Variants in PPFIA2 observed in about 807,000 individuals in gnomAD.
PPFIA2 encodes PPFI scaffold protein A2, also known as liprin-alpha-2.
Under a neutral mutation model 175.5 loss-of-function variants are expected in PPFIA2, and 46 were observed. The observed-to-expected ratio is 0.26, with a 90% confidence interval of 0.21 to 0.34. PPFIA2 has a LOEUF of 0.34. PPFIA2 is among the 10% of genes least tolerant of loss of function. The pLI is 1.00. For missense variants in PPFIA2, 1,179 were observed against 1,506.1 expected (o/e 0.78, Z 3.60); for synonymous variants, 568 against 511.4 (o/e 1.11, Z -1.49).
Position 81,464,823 on chromosome 12 carries a change from T to C in PPFIA2, c.304-6957A>G, listed in dbSNP as rs562207558. ...TCAGACAGACACAGAGCATTCTATTTTTATACAGGTTCATCTTTAAACTCA... is the reference window on the plus strand; with the variant it reads ...TCAGACAGACACAGAGCATTCTATTCTTATACAGGTTCATCTTTAAACTCA... On this transcript the variant is annotated intron_variant, in intron 4 of 32. Transcript: ENST00000549396. 9.9e-5 allele frequency among the ~76,000 whole-genome samples: 15 copies of C among 152,106 alleles called. No individual in the cohort carries two copies. The East Asian group carries it at 2.5e-3, about 25-fold the overall frequency.
rs188336422 is a variant in PPFIA2 at position 81,310,434 on chromosome 12, C to T, written c.2643-11052G>A. Among the ~76,000 whole-genome samples the T allele has an allele frequency of 2.6e-5, 4 of 152,070 alleles. No homozygotes were observed. In the East Asian group the frequency reaches 5.8e-4, roughly 22 times the overall value. The stretch of plus-strand genomic sequence containing the variant: ...GAGCATGTGTAAGACAATAAGAAAC[C>T]GAATTGTAGAATGAAGTCCATTATA... On this transcript the variant is annotated intron_variant, in intron 22 of 32. Transcript: ENST00000549396.
At chr12:81,606,359 T>C (rs997606330) in intron 4 of PPFIA2, among the ~76,000 whole-genome samples, 2 of 152,108 alleles carry the variant, frequency 1.3e-5, no homozygotes, top group South Asian at 2.1e-4. Flanking sequence ...CTAGGTTGAA[T>C]TGTAGCTCTG....
At chr12:81,522,156 G>A (rs2063233847) in intron 4 of PPFIA2, among the ~76,000 whole-genome samples, 3 of 152,144 alleles carry the variant, frequency 2.0e-5, no homozygotes. Context: ...CATTCATTAT[G>A]CAAGATATTT....
intron 17 of PPFIA2, among the ~76,000 whole-genome samples, chr12:81,350,256 G>A (rs1035507081): frequency 3.9e-5 from 6 of 152,180 alleles, no homozygotes; most frequent in South Asian, 2.1e-4. Flanking sequence ...CCGTTATTCC[G>A]TTAATACTTG....
At chr12:81,454,212 C>T (rs1566903197) in intron 5 of PPFIA2, among the ~76,000 whole-genome samples, 1 of 151,980 alleles carries the variant, frequency 6.6e-6, no homozygotes, top group African/African-American at 2.4e-5. Flanking sequence ...AGTGAGACCT[C>T]GTCTCAAAAG....
chr12:81,673,988 C>G (rs933790956), intron 4 of PPFIA2, among the ~76,000 whole-genome samples: 1 of 151,968 alleles, frequency 6.6e-6, no homozygotes, highest in African/African-American at 2.4e-5. Flanking sequence ...TCCTAGAGTT[C>G]TCAAATTTAT....
chr12:81,295,015 C>G lies in PPFIA2; in HGVS notation c.2745G>C (p.Ala915=). The change falls in exon 24 of 33, where the codon GCG becomes GCC. Residue 915 remains alanine (A), a synonymous_variant. Transcript: ENST00000549396. ...AWLELWLGMP[A]WYVAACRANV... is the part of the protein sequence containing the mutation. ...TGGCTCGGCAGGCTGCCACGTACCA[C>G]GCAGGCATTCCCAACCAAAGCTGTT... is the stretch of plus-strand genomic sequence containing the variant. 4 of 1,613,402 alleles carry G rather than the reference C, an allele frequency of 2.5e-6. No individual in the cohort carries two copies. The highest frequency in any genetic ancestry group is 3.4e-6 in the Non-Finnish European group (4 of 1,179,642).
chr12:81,530,713 C>G (rs1011444680), intron 4 of PPFIA2, among the ~76,000 whole-genome samples: 2 of 149,554 alleles, frequency 1.3e-5, no homozygotes, highest in Admixed American at 1.3e-4. Flanking sequence ...AATAGTAAGC[C>G]TGGATAAGCC....
intron 4 of PPFIA2, among the ~76,000 whole-genome samples, chr12:81,533,660 C>T (rs2064926853): frequency 6.6e-6 from 1 of 151,314 alleles, no homozygotes; most frequent in African/African-American, 2.4e-5. Context: ...TACCAAAACT[C>T]CTCTTTGATT....
At chr12:81,652,817 G>A (rs1377086499) in intron 4 of PPFIA2, among the ~76,000 whole-genome samples, 1 of 151,898 alleles carries the variant, frequency 6.6e-6, no homozygotes, top group Non-Finnish European at 1.5e-5. Flanking sequence ...CAATCCATAT[G>A]AAGAATTCAC....
intron 4 of PPFIA2, among the ~76,000 whole-genome samples, chr12:81,521,063 T>C (rs2063062797): frequency 6.6e-6 from 1 of 152,208 alleles, no homozygotes; most frequent in Non-Finnish European, 1.5e-5. Flanking sequence ...GGGAATCATA[T>C]AATTCCAAAA....
rs898048462 is a variant in PPFIA2 at position 81,362,729 on chromosome 12, A to G, written c.1601T>C (p.Met534Thr). Residue 534 changes from methionine (M) to threonine (T), a missense_variant, in exon 15 of 33, where the codon ATG becomes ACG. Met to Thr is a moderately conservative substitution (Grantham distance 81). Around this residue, in one of 10 missense-constraint regions of PPFIA2, gnomAD observed 186 missense variants for 163.6 expected, o/e 1.14. Transcript: ENST00000549396. Reference protein sequence around the residue: ...KLRSELDQLKMRTGSLIEPTI... With the variant: ...KLRSELDQLKTRTGSLIEPTI... ...GGGTTCAATTAAAGAGCCAGTTCTCATTTTCAATTGGTCAAGTTCAGATCT... is the reference window on the plus strand; with the variant it reads ...GGGTTCAATTAAAGAGCCAGTTCTCGTTTTCAATTGGTCAAGTTCAGATCT... 5.2e-6 allele frequency: 8 copies of G among 1,547,624 alleles called. No individual in the cohort carries two copies. The highest frequency in any genetic ancestry group is 1.2e-5 in the South Asian group (1 of 83,842).
At chr12:81,730,734 T>C (rs1327918725) in intron 3 of PPFIA2, among the ~76,000 whole-genome samples, 4 of 151,612 alleles carry the variant, frequency 2.6e-5, no homozygotes, top group Non-Finnish European at 1.5e-5. Flanking sequence ...TGCTATATGT[T>C]AGATAACAAA....
At chr12:81,440,813 GAT>G (rs142582712) in intron 6 of PPFIA2, among the ~76,000 whole-genome samples, 10,547 of 142,848 alleles carry the variant, frequency 0.074, 501 homozygotes, top group African/African-American at 0.15. Flanking sequence ...TATATGTCCT[GAT>G]ATATATATAT....
chr12:81,436,603 A>G (rs1247814171), intron 7 of PPFIA2, among the ~76,000 whole-genome samples: 1 of 152,156 alleles, frequency 6.6e-6, no homozygotes, highest in African/African-American at 2.4e-5. Flanking sequence ...TCAATACATG[A>G]TGCTTTACTT....
At chr12:81,461,090 C>G (rs1212031984) in intron 4 of PPFIA2, among the ~76,000 whole-genome samples, 1 of 152,052 alleles carries the variant, frequency 6.6e-6, no homozygotes, top group Admixed American at 6.6e-5. Context: ...CTTTAACTTT[C>G]AAAATTCAAA....
chr12:81,691,869 TTTAGAATGTC>T (rs2075283858), intron 3 of PPFIA2, among the ~76,000 whole-genome samples: 1 of 152,094 alleles, frequency 6.6e-6, no homozygotes, highest in Non-Finnish European at 1.5e-5. Context: ...TATAATATTC[TTTAGAATGTC>T]TTTGGAAATT....
intron 24 of PPFIA2, among the ~76,000 whole-genome samples, chr12:81,289,432 CTT>C (rs912466784): frequency 3.3e-5 from 5 of 151,840 alleles, no homozygotes; most frequent in African/African-American, 4.8e-5. Context: ...AATTCATCAA[CTT>C]AAATAAATGT....
At chr12:81,433,987 G>A (rs2048550816) in intron 7 of PPFIA2, among the ~76,000 whole-genome samples, 1 of 152,064 alleles carries the variant, frequency 6.6e-6, no homozygotes. Context: ...CTTAAATGAG[G>A]AAATATGTTT....
Sources: allele counts gnomAD v4.1 joint callset (sites outside exome capture counted in the v4.1 genomes callset), GRCh38; gene constraint gnomAD v4.1.1; regional missense constraint gnomAD v4.1.1; transcripts MANE v1.5; gene names NCBI Gene and HGNC (gene_info 2026-07-23, HGNC 2026-07-21).